Variants in EIF4E3 observed in about 807,000 individuals in gnomAD.
EIF4E3 encodes eukaryotic translation initiation factor 4E family member 3.
EIF4E3 carries 26 observed loss-of-function variants against 31.7 expected under a neutral mutation model. The ratio of observed to expected loss-of-function variants is 0.82; its 90% confidence interval spans 0.60 to 1.14. EIF4E3 has a LOEUF of 1.14. EIF4E3 is among the 50% of genes most tolerant of loss of function. The pLI is 0.00. For missense variants in EIF4E3, 304 were observed against 270.9 expected, an observed-to-expected ratio of 1.12 and a Z score of -0.86; for synonymous variants, 128 against 107.7, an observed-to-expected ratio of 1.19 and a Z score of -1.17.
upstream of EIF4E3, chr3:71,754,206 C>A (rs745521534): frequency 3.6e-6 from 5 of 1,406,656 alleles, no homozygotes; most frequent in South Asian, 6.5e-5. This position sits in a 1 kb window ranked among gnomAD's most constrained non-coding sequence, Gnocchi z 5.8. Flanking sequence ...GCACCGCGCC[C>A]CGTACTACCT....
At chr3:71,751,547 A>G (rs1376723676) in intron 1 of EIF4E3, among the ~76,000 whole-genome samples, 2 of 152,222 alleles carry the variant, frequency 1.3e-5, no homozygotes, top group Non-Finnish European at 2.9e-5. Context: ...GAGGCAGCCC[A>G]AGCGCTAAGG....
chr3:71,689,896 C>A, intron 6 of EIF4E3, 114 bp downstream of exon 6: 2 of 1,012,376 alleles, frequency 2.0e-6, no homozygotes, highest in Non-Finnish European at 1.3e-6. Context: ...GAATTATTTT[C>A]TGAATTATCA....
rs73837556 is a variant in EIF4E3 at position 71,695,321 on chromosome 3, G to A, written c.405+1139C>T. On this transcript the variant is annotated intron_variant, in intron 4 of 6. Transcript: ENST00000425534. Reference sequence around the variant, plus strand: ...CTGCCTGGGATGAGGGCATTTGCACGGATATGAAAGCGTTATTATTTGTGA... The same window carrying A: ...CTGCCTGGGATGAGGGCATTTGCACAGATATGAAAGCGTTATTATTTGTGA... 7.0e-3 allele frequency among the ~76,000 whole-genome samples: 1,065 copies of A among 152,280 alleles called. 12 individuals carry two copies. Among genetic ancestry groups the A allele is most frequent in the African/African-American group, 0.024 (1,002 of 41,554 alleles).
At chr3:71,752,728 C>G (rs922471803) in intron 1 of EIF4E3, among the ~76,000 whole-genome samples, 1 of 152,092 alleles carries the variant, frequency 6.6e-6, no homozygotes, top group Non-Finnish European at 1.5e-5. Flanking sequence ...TATATAATGA[C>G]AAATTATAAG....
At chr3:71,665,508 A>T in the EIF4E3 span, among the ~76,000 whole-genome samples, 1 of 152,224 alleles carries the variant, frequency 6.6e-6, no homozygotes, top group Non-Finnish European at 1.5e-5. Flanking sequence ...CCTATTTTGA[A>T]TGTCTTGCAA....
chr3:71,703,444 A>G (rs1052181267), intron 2 of EIF4E3, among the ~76,000 whole-genome samples: 1 of 152,214 alleles, frequency 6.6e-6, no homozygotes, highest in Non-Finnish European at 1.5e-5. Flanking sequence ...TCCTCTGTAT[A>G]AGGATACAGC....
chr3:71,701,638 C>T (rs2049217941), intron 2 of EIF4E3, among the ~76,000 whole-genome samples: 1 of 152,090 alleles, frequency 6.6e-6, no homozygotes, highest in South Asian at 2.1e-4. Context: ...AAAATCAATC[C>T]TAGGGCTCAT....
intron 1 of EIF4E3, among the ~76,000 whole-genome samples, chr3:71,737,796 AAAC>A (rs553723948): frequency 8.0e-4 from 121 of 151,938 alleles, no homozygotes; most frequent in Middle Eastern, 3.4e-3. Flanking sequence ...AACAAACAAA[AAAC>A]AACAACAACA....
At chr3:71,660,496 C>A in the EIF4E3 span, among the ~76,000 whole-genome samples, 1 of 152,182 alleles carries the variant, frequency 6.6e-6, no homozygotes. Flanking sequence ...AACCCGGGCC[C>A]TCTGAATGGA....
intron 1 of EIF4E3, among the ~76,000 whole-genome samples, chr3:71,743,040 G>A (rs573324927): frequency 7.0e-4 from 106 of 152,220 alleles, no homozygotes; most frequent in African/African-American, 1.9e-3. Context: ...CTAACATCAC[G>A]CTTAATGGTG....
upstream of EIF4E3, among the ~76,000 whole-genome samples, chr3:71,729,798 ATGTGTGTGTGTGTGTG>A (rs3066626): frequency 3.1e-4 from 40 of 129,772 alleles, no homozygotes; most frequent in South Asian, 6.2e-4. Context: ...TTCCAATAGA[ATGTGTGTGTGTGTGTG>A]TGTGTGTGTG....
chr3:71,675,589 A>G lies in EIF4E3; in HGVS notation c.*9093T>C, dbSNP rs1578322952. On this transcript the variant is annotated 3_prime_UTR_variant, in exon 7 of 7. Coordinates refer to ENST00000425534, the MANE Select transcript of EIF4E3 (RefSeq NM_001134651.2). ...TAATATATGGAATGAAGAAAAGATC[A>G]TTGATTTTAACAGCCAGGAGATTTG... is the stretch of plus-strand genomic sequence containing the variant. The G allele has an allele frequency of 6.6e-6, 1 of 152,338 alleles. No individual in the cohort carries two copies. The highest frequency in any genetic ancestry group is 1.9e-4 in the East Asian group (1 of 5,188). The allele number at this position is 152,338 out of a possible 1,614,324, so 9.4% of individuals were successfully genotyped here. A position where few individuals can be genotyped will look rare whatever the true frequency, so the allele number is the denominator to read the frequency against.
chr3:71,711,158 T>G (rs550639890), intron 1 of EIF4E3, among the ~76,000 whole-genome samples: 33 of 152,310 alleles, frequency 2.2e-4, no homozygotes, highest in African/African-American at 7.9e-4. Flanking sequence ...AACACTGCAA[T>G]TTAACTGGTT....
At chr3:71,733,881 TA>T (rs142462230) in intron 1 of EIF4E3, among the ~76,000 whole-genome samples, 23,790 of 152,090 alleles carry the variant, frequency 0.16, 1,935 homozygotes, top group East Asian at 0.31. Flanking sequence ...ATTTGTTTTC[TA>T]AAAAAAATCA....
intron 3 of EIF4E3, among the ~76,000 whole-genome samples, chr3:71,696,927 C>T (rs897463117): frequency 6.6e-6 from 1 of 151,856 alleles, no homozygotes; most frequent in African/African-American, 2.4e-5. Flanking sequence ...ACTGTGTTAG[C>T]CAGGATGGTC....
intron 1 of EIF4E3, among the ~76,000 whole-genome samples, chr3:71,741,876 C>G (rs534805514): frequency 6.6e-6 from 1 of 152,138 alleles, no homozygotes; most frequent in African/African-American, 2.4e-5. Flanking sequence ...TGGGAATCCC[C>G]CAAATACTTA....
chr3:71,691,215 A>G (rs953957652), intron 5 of EIF4E3, among the ~76,000 whole-genome samples: 5 of 152,208 alleles, frequency 3.3e-5, no homozygotes, highest in African/African-American at 1.2e-4. Context: ...TGCTTTAGTT[A>G]GTATGCTCTG....
rs575962715 is a variant in EIF4E3, at chr3:71,696,241, G to A, written c.405+219C>T. Among the ~76,000 whole-genome samples the A allele has an allele frequency of 2.6e-5, 4 of 152,318 alleles. No individual in the cohort carries two copies. The South Asian group carries it at 8.3e-4, about 32-fold the overall frequency. Reference sequence around the variant, plus strand: ...TTACTCCTGCAGACTGCATGATACAGTCACATACTACACCACGTCTATAGA... The same window carrying A: ...TTACTCCTGCAGACTGCATGATACAATCACATACTACACCACGTCTATAGA... On this transcript the variant is annotated intron_variant, in intron 4 of 6. Transcript: ENST00000425534.
At chr3:71,661,542 A>T in the EIF4E3 span, among the ~76,000 whole-genome samples, 1 of 152,180 alleles carries the variant, frequency 6.6e-6, no homozygotes, top group African/African-American at 2.4e-5. Flanking sequence ...TCTTAATGGA[A>T]TGTGGCATAG....
Sources: gnomAD v4.1 joint callset for allele counts (sites outside exome capture counted in the v4.1 genomes callset) on GRCh38, gnomAD v4.1.1 for gene constraint, Gnocchi (gnomAD v3.1) non-coding constraint, MANE v1.5 for transcripts, NCBI Gene and HGNC (gene_info 2026-07-23, HGNC 2026-07-21) for gene names.